ZFHX3: variants seen among roughly 807,000 people sequenced by gnomAD.
The protein encoded by ZFHX3 is zinc finger homeobox 3, also known as zinc finger homeobox protein 3.
A neutral mutation model predicts 279.1 loss-of-function variants in ZFHX3; 42 were observed. The observed-to-expected ratio is 0.15, with a 90% confidence interval of 0.12 to 0.19. The LOEUF (loss-of-function observed/expected upper bound fraction) is 0.19. Among genes scored for constraint, ZFHX3 ranks in the 10% least tolerant of loss-of-function variants. ZFHX3 has a pLI of 1.00. For synonymous variants in ZFHX3, 2,293 were observed against 1,957.8 expected (o/e 1.17, Z -4.52); for missense variants, 4,981 against 4,754.0 (o/e 1.05, Z -1.40).
chr16:73,021,926 G>A (rs966551568), intron 1 of ZFHX3, among the ~76,000 whole-genome samples: 2 of 151,806 alleles, frequency 1.3e-5, no homozygotes, highest in South Asian at 2.1e-4. Flanking sequence ...ACGTGTAGAC[G>A]GGAGGCAGAG....
intron 2 of ZFHX3, among the ~76,000 whole-genome samples, chr16:73,629,007 G>A (rs1324291197): frequency 1.3e-5 from 2 of 152,158 alleles, no homozygotes; most frequent in African/African-American, 4.8e-5. Flanking sequence ...AATCCACAAT[G>A]CACACACAGC....
At chr16:73,318,623 T>A (rs2015507264) in intron 3 of ZFHX3, among the ~76,000 whole-genome samples, 1 of 152,100 alleles carries the variant, frequency 6.6e-6, no homozygotes, top group Admixed American at 6.6e-5. Flanking sequence ...CTGCCGACAA[T>A]TAAGAAACCT....
At chr16:73,591,217 G>T (rs926763409) in intron 2 of ZFHX3, among the ~76,000 whole-genome samples, 2 of 151,990 alleles carry the variant, frequency 1.3e-5, no homozygotes, top group Non-Finnish European at 2.9e-5. Context: ...GCCGGGCATG[G>T]TGGTGGGCGC....
At chr16:73,767,157 G>A (rs1013002017) in intron 1 of ZFHX3, among the ~76,000 whole-genome samples, 6 of 151,880 alleles carry the variant, frequency 4.0e-5, no homozygotes, top group African/African-American at 7.3e-5. Context: ...GGATGGTTTC[G>A]AACTCCTGAC....
At chr16:73,435,655 G>A (rs557303217) in intron 3 of ZFHX3, among the ~76,000 whole-genome samples, 33 of 152,286 alleles carry the variant, frequency 2.2e-4, no homozygotes, top group Admixed American at 5.2e-4. Context: ...AAAACTGCCC[G>A]GGATGAGCAG....
rs536413540 is a variant in ZFHX3 at position 72,796,385 on chromosome 16, C to T, written c.6297G>A (p.Pro2099=). The T allele has an allele frequency of 2.1e-4, 344 of 1,613,372 alleles. 2 individuals carry two copies. The East Asian group carries it at 4.4e-3, about 21-fold the overall frequency. Residue 2099 remains proline, a synonymous_variant, in exon 9 of 10, where the codon CCG becomes CCA. Transcript: ENST00000268489. ...GCAGCGGCATCGTCTGCATCATCAG[C>T]GGCGAGAAGATGGGCAGCTCCATCG... ...SMPMELPIFS[P]LMMQTMPLQT... is the part of the protein sequence containing the mutation.
intron 5 of ZFHX3, among the ~76,000 whole-genome samples, chr16:73,157,397 C>T (rs1413063546): frequency 7.3e-6 from 1 of 136,676 alleles, no homozygotes; most frequent in African/African-American, 2.8e-5. Context: ...GGGCTTGCCA[C>T]AGGTTAACTT....
intron 4 of ZFHX3, among the ~76,000 whole-genome samples, chr16:73,281,458 G>A (rs1196847630): frequency 1.3e-5 from 2 of 152,200 alleles, no homozygotes; most frequent in African/African-American, 2.4e-5. Flanking sequence ...TGCAGGGGCT[G>A]GGGGAAGGGG....
At chr16:73,082,467 C>T (rs965698912) in intron 8 of ZFHX3, among the ~76,000 whole-genome samples, 2 of 152,060 alleles carry the variant, frequency 1.3e-5, no homozygotes, top group African/African-American at 4.8e-5. Context: ...GATGGGGTTT[C>T]ACCGTGTTAG....
intron 2 of ZFHX3, among the ~76,000 whole-genome samples, chr16:73,625,178 G>T (rs2052403586): frequency 6.6e-6 from 1 of 152,188 alleles, no homozygotes; most frequent in Non-Finnish European, 1.5e-5. Flanking sequence ...CTCAGCCTCA[G>T]CTAGATCTGC....
Position 72,812,008 on chromosome 16 carries a change from G to A in ZFHX3, c.3560C>T (p.Thr1187Ile), listed in dbSNP as rs2036468007. The change falls in exon 6 of 10, where the codon ACA (threonine) becomes ATA (isoleucine). Residue 1187 changes from threonine (T) to isoleucine (I), a missense_variant. Transcript: ENST00000268489. ...ASSSQAEKEL[T>I]DSPATSKRIS... ...GCGTTTGGAGGTTGCAGGAGAATCT[G>A]TCAGCTCCTTCTCTGCTTGGCTGGA... The A allele has an allele frequency of 6.2e-7, 1 of 1,614,148 alleles. No homozygotes were observed. Among genetic ancestry groups the A allele is most frequent in the African/African-American group, 1.3e-5 (1 of 75,034 alleles).
At chr16:73,701,065 T>C (rs1359647519) in intron 1 of ZFHX3, among the ~76,000 whole-genome samples, 1 of 152,246 alleles carries the variant, frequency 6.6e-6, no homozygotes, top group African/African-American at 2.4e-5. Context: ...CTGGTTTGTG[T>C]GTTCATATAG....
Position 73,261,668 on chromosome 16 carries a change from G to GTTTTTTTTTT in ZFHX3, c.-1193-4542_-1193-4533dup, listed in dbSNP as rs1187489542. ...TATAAATATAAACATTCCTGTGATT[G>GTTTTTTTTTT]TTTTTTTTTTTTTTTTTTTTTTTTA... On this transcript the variant is annotated intron_variant, in intron 4 of 17. Transcript: ENST00000641206. Among the ~76,000 whole-genome samples, 298 of 80,682 alleles carry GTTTTTTTTTT rather than the reference G, an allele frequency of 3.7e-3. 20 individuals carry two copies. The highest frequency in any genetic ancestry group is 0.01 in the Middle Eastern group (1 of 98). The allele number at this position is 80,682 out of a possible 152,430, so 52.9% of individuals were successfully genotyped here.
intron 5 of ZFHX3, among the ~76,000 whole-genome samples, chr16:73,228,919 C>T (rs759726855): frequency 2.0e-5 from 3 of 152,072 alleles, no homozygotes; most frequent in Admixed American, 6.6e-5. Flanking sequence ...TGGAAGACGT[C>T]GTGGCTTGGG....
At chr16:73,730,912 T>C (rs1300439271) in intron 1 of ZFHX3, among the ~76,000 whole-genome samples, 3 of 152,280 alleles carry the variant, frequency 2.0e-5, no homozygotes, top group Non-Finnish European at 4.4e-5. Context: ...GCTGTGGTCC[T>C]GTCCAGGGCT....
intron 1 of ZFHX3, among the ~76,000 whole-genome samples, chr16:73,753,734 T>C (rs1567398892): frequency 6.6e-6 from 1 of 152,048 alleles, no homozygotes; most frequent in Non-Finnish European, 1.5e-5. Context: ...GGATCGCCTG[T>C]CCTGCATCAA....
intron 1 of ZFHX3, among the ~76,000 whole-genome samples, chr16:73,033,536 G>C (rs886999135): frequency 4.3e-5 from 6 of 138,436 alleles, no homozygotes; most frequent in Non-Finnish European, 9.1e-5. Flanking sequence ...GGCGGGGGGT[G>C]GGGGGGGACT....
intron 2 of ZFHX3, among the ~76,000 whole-genome samples, chr16:73,615,673 A>C (rs2052292668): frequency 6.6e-6 from 1 of 152,226 alleles, no homozygotes. Context: ...GATTCACAGC[A>C]ACTCACAACT....
intron 1 of ZFHX3, among the ~76,000 whole-genome samples, chr16:73,732,224 T>C (rs536362935): frequency 1.3e-5 from 2 of 152,288 alleles, no homozygotes; most frequent in South Asian, 4.1e-4. Flanking sequence ...ACTCCGAATT[T>C]CAACACTTAC....
Sources: gnomAD v4.1 joint callset for allele counts (sites outside exome capture counted in the v4.1 genomes callset) on GRCh38, gnomAD v4.1.1 for gene constraint, MANE v1.5 for transcripts, NCBI Gene and HGNC (gene_info 2026-07-23, HGNC 2026-07-21) for gene names.